The following SYNPO2 variants were observed in gnomAD, a reference collection of about 807,000 sequenced individuals.
SYNPO2 encodes synaptopodin-2.
SYNPO2 carries 56 observed loss-of-function variants against 85.0 expected under a neutral mutation model. The ratio of observed to expected loss-of-function variants is 0.66; its 90% confidence interval spans 0.53 to 0.82. The LOEUF (loss-of-function observed/expected upper bound fraction) is 0.82, where lower values mean the gene tolerates loss of function less well. Ranked by LOEUF, SYNPO2 falls within the 40% of genes least tolerant of loss-of-function variation. The pLI, the probability that SYNPO2 is intolerant of heterozygous loss-of-function variation, is 0.00. For synonymous variants in SYNPO2, 602 were observed against 591.1 expected (o/e 1.02, Z -0.27); for missense variants, 1,575 against 1,534.2 (o/e 1.03, Z -0.44).
At chr4:118,902,294 T>C (rs1488664334) in intron 1 of SYNPO2, among the ~76,000 whole-genome samples, 1 of 152,172 alleles carries the variant, frequency 6.6e-6, no homozygotes, top group Non-Finnish European at 1.5e-5. Flanking sequence ...CCTGTATTCG[T>C]CCATTTTCAC....
At chr4:119,002,522 G>A (rs542631010) in intron 1 of SYNPO2, among the ~76,000 whole-genome samples, 4 of 152,264 alleles carry the variant, frequency 2.6e-5, no homozygotes, top group Admixed American at 2.0e-4. Context: ...GCCTCCCAAA[G>A]TGCTGTGAGC....
chr4:118,981,488 A>G (rs949501956), intron 1 of SYNPO2, among the ~76,000 whole-genome samples: 2 of 152,216 alleles, frequency 1.3e-5, no homozygotes, highest in African/African-American at 4.8e-5. Context: ...TGTAATTACC[A>G]TAATTACTGA....
intron 1 of SYNPO2, among the ~76,000 whole-genome samples, chr4:118,909,907 C>T (rs926430215): frequency 3.3e-5 from 5 of 152,224 alleles, no homozygotes; most frequent in East Asian, 3.9e-4. Flanking sequence ...GAGACGACAC[C>T]GCAGTTGTAC....
Position 119,031,496 on chromosome 4 carries a change from C to T in SYNPO2, c.2721C>T (p.Leu907=), listed in dbSNP as rs565801701. 6.2e-7 allele frequency: 1 copy of T among 1,614,162 alleles called. No individual in the cohort carries two copies. The highest frequency in any genetic ancestry group is 8.5e-7 in the Non-Finnish European group (1 of 1,180,026). Reference sequence around the variant, plus strand: ...GAGCTCAGTCTCCCACTCCATCTCTCCCGGCCAGTTGGAAGTACTCCTCCA... The same window carrying T: ...GAGCTCAGTCTCCCACTCCATCTCTTCCGGCCAGTTGGAAGTACTCCTCCA... The part of the protein sequence containing the change: ...AARAQSPTPS[L]PASWKYSSNV... Residue 907 remains leucine, a synonymous_variant, in exon 4 of 5, where the codon CTC becomes CTT. Transcript: ENST00000307142.
rs1220032938 is a variant in SYNPO2 at position 119,058,532 on chromosome 4, T to C, written c.*598T>C. 4 of 131,444 alleles carry C rather than the reference T, an allele frequency of 3.0e-5. No homozygotes were observed. The East Asian group carries it at 7.9e-4, about 26-fold the overall frequency. The allele number at this position is 131,444 out of a possible 1,614,324, so 8.1% of individuals were successfully genotyped here. A position where few individuals can be genotyped will look rare whatever the true frequency, so the allele number is the denominator to read the frequency against. On this transcript the variant is annotated 3_prime_UTR_variant, in exon 5 of 5. Transcript: ENST00000307142. ...CTGTCCCACCCAGTCTGGAGTGCAA[T>C]GGTGCGATCTTGGCTCACTGCAACC...
chr4:119,005,513 G>T (rs13119651), intron 1 of SYNPO2, among the ~76,000 whole-genome samples: 5 of 91,432 alleles, frequency 5.5e-5, no homozygotes, highest in Admixed American at 3.5e-4. Context: ...GTTTTTGTCA[G>T]GTTTGTCAAA....
At chr4:119,038,344 G>A (rs1029126140) in intron 4 of SYNPO2, 7 of 980,772 alleles carry the variant, frequency 7.1e-6, no homozygotes, top group South Asian at 9.5e-5. Flanking sequence ...ACCCATCTCT[G>A]AGAAAGAAGC....
chr4:118,959,425 C>T (rs1403113748), intron 1 of SYNPO2, among the ~76,000 whole-genome samples: 1 of 152,140 alleles, frequency 6.6e-6, no homozygotes, highest in African/African-American at 2.4e-5. Flanking sequence ...TAAAAAAGGG[C>T]TTTTCTTCTC....
Position 119,057,651 on chromosome 4 carries a change from T to G in SYNPO2, c.3503T>G (p.Val1168Gly), listed in dbSNP as rs747506684. The change falls in exon 5 of 5, where the codon GTG (valine) becomes GGG (glycine). Residue 1168 changes from valine (V) to glycine (G), a missense_variant. By Grantham distance (109) the Val-to-Gly change is moderately radical (BLOSUM62 -3). Around this residue, in one of 3 missense-constraint regions of SYNPO2, gnomAD observed 1,508 missense variants for 1,446.8 expected, o/e 1.04. Coordinates refer to ENST00000307142, the MANE Select transcript of SYNPO2 (RefSeq NM_133477.3). The stretch of plus-strand genomic sequence containing the variant: ...GTGGTTTCAGCAGCTCGGAGGAAGG[T>G]GCTTCCAGGGCCTCCAGAGGATTGG... ...ANVVSAARRK[V>G]LPGPPEDWNE... is the part of the protein sequence containing the mutation. 2 of 1,613,948 alleles carry G rather than the reference T, an allele frequency of 1.2e-6. No homozygotes were observed. Among genetic ancestry groups the G allele is most frequent in the East Asian group, 4.5e-5 (2 of 44,866 alleles).
rs1050938648 is a variant in SYNPO2, at chr4:119,029,960, G to A, written c.1185G>A (p.Leu395=). 7.4e-6 allele frequency: 12 copies of A among 1,613,940 alleles called. No individual in the cohort carries two copies. In the African/African-American group the frequency reaches 1.6e-4, roughly 22 times the overall value. ...DAPNPNSKGV[L]MFKKRRRRAR... is the part of the protein sequence containing the mutation. ...CCAACCCCAACTCCAAGGGGGTGTT[G>A]ATGTTTAAGAAGCGACGTCGGAGGG... The change falls in exon 4 of 5, where the codon TTG becomes TTA. Residue 395 remains leucine (L), a synonymous_variant. Transcript: ENST00000307142.
At chr4:118,850,966 G>C in intron 1 of SYNPO2, 1 of 398,602 alleles carries the variant, frequency 2.5e-6, no homozygotes, top group Non-Finnish European at 4.4e-6. Flanking sequence ...GAGATGAATG[G>C]TGTCCTCTTT....
chr4:118,859,581 T>C (rs1731573893), intron 1 of SYNPO2, among the ~76,000 whole-genome samples: 1 of 152,156 alleles, frequency 6.6e-6, no homozygotes, highest in Non-Finnish European at 1.5e-5. Flanking sequence ...GCCACTACCC[T>C]TCCCAGCCTC....
At chr4:118,943,902 G>A (rs1308729640) in intron 1 of SYNPO2, among the ~76,000 whole-genome samples, 1 of 152,202 alleles carries the variant, frequency 6.6e-6, no homozygotes, top group Admixed American at 6.5e-5. Context: ...AGGTGTGTGT[G>A]TTAGCAAAAC....
In SYNPO2 at chr4:119,007,238, A is replaced by G. The variant is rs1451028170; in HGVS notation, c.106-16192A>G. On this transcript the variant is annotated intron_variant, in intron 1 of 4. Transcript: ENST00000307142. ...AAGGTATATATATATATATATATATATATATATGTATATACATATATATAT... is the reference window on the plus strand; with the variant it reads ...AAGGTATATATATATATATATATATGTATATATGTATATACATATATATAT... 1.1e-3 allele frequency among the ~76,000 whole-genome samples: 46 copies of G among 43,696 alleles called. 1 individual carries two copies. Among genetic ancestry groups the G allele is most frequent in the Middle Eastern group, 0.014 (1 of 74 alleles). 28.7% of individuals were successfully genotyped at this position (43,696 alleles called of 152,430 possible). A position where few individuals can be genotyped will look rare whatever the true frequency, so the allele number is the denominator to read the frequency against.
At chr4:118,861,181 G>A (rs184008928) in intron 1 of SYNPO2, among the ~76,000 whole-genome samples, 159 of 151,924 alleles carry the variant, frequency 1.0e-3, no homozygotes, top group Middle Eastern at 6.8e-3. Flanking sequence ...GTTTTTTTGA[G>A]ATGGAGTCTC....
At chr4:118,917,931 A>G (rs1733406844) in intron 1 of SYNPO2, among the ~76,000 whole-genome samples, 1 of 152,232 alleles carries the variant, frequency 6.6e-6, no homozygotes, top group African/African-American at 2.4e-5. Flanking sequence ...CAGGCCCTAT[A>G]TACTAAATTT....
chr4:118,984,705 C>T (rs2149164707), intron 1 of SYNPO2, among the ~76,000 whole-genome samples: 1 of 152,330 alleles, frequency 6.6e-6, no homozygotes, highest in South Asian at 2.1e-4. Context: ...TAGAACTACT[C>T]CTTCCCTTCT....
At chr4:119,004,224 C>CTT (rs142384643) in intron 1 of SYNPO2, among the ~76,000 whole-genome samples, 1 of 151,898 alleles carries the variant, frequency 6.6e-6, no homozygotes, top group African/African-American at 2.4e-5. Flanking sequence ...TCAAAATTAC[C>CTT]TTTTTTTAAA....
intron 1 of SYNPO2, among the ~76,000 whole-genome samples, chr4:118,879,420 AT>A (rs1732022955): frequency 6.6e-6 from 1 of 152,162 alleles, no homozygotes; most frequent in African/African-American, 2.4e-5. Flanking sequence ...TGCGAAGGTA[AT>A]TAGCTCATGA....
Sources: gnomAD v4.1 joint callset for allele counts (sites outside exome capture counted in the v4.1 genomes callset) on GRCh38, gnomAD v4.1.1 for gene constraint, gnomAD v4.1.1 regional missense constraint, MANE v1.5 for transcripts, NCBI Gene and HGNC (gene_info 2026-07-23, HGNC 2026-07-21) for gene names.